The following ALMS1 variants were observed in gnomAD, a reference collection of about 807,000 sequenced individuals.
ALMS1 encodes centrosome-associated protein ALMS1.
Under a neutral mutation model 352.2 loss-of-function variants are expected in ALMS1, and 271 were observed. The ratio of observed to expected loss-of-function variants is 0.77; its 90% CI spans 0.70 to 0.85. The LOEUF is 0.85. Ranked by LOEUF, ALMS1 falls within the 40% of genes least tolerant of loss-of-function variation. The pLI is 0.00. For synonymous variants in ALMS1, 1,865 were observed against 1,761.2 expected, an observed-to-expected ratio of 1.06 and a Z score of -1.48; for missense variants, 5,445 against 4,870.7, an observed-to-expected ratio of 1.12 and a Z score of -3.51.
rs200542467 is a variant in ALMS1 at position 73,593,189 on chromosome 2, AG to A, written c.11548-6210del. 4.0e-3 allele frequency among the ~76,000 whole-genome samples: 589 copies of A among 148,528 alleles called. 4 individuals are homozygous for A. Among genetic ancestry groups the A allele is most frequent in the African/African-American group, 7.9e-3 (311 of 39,504 alleles). The stretch of plus-strand genomic sequence containing the variant: ...ACTGACCGCATATATAAATGGATTC[AG>A]GAAAAAAAAAAAAAAAAAGTTCCAT... On this transcript the variant is annotated intron_variant, in intron 16 of 22. Transcript: ENST00000613296.
intron 1 of ALMS1, among the ~76,000 whole-genome samples, chr2:73,386,875 C>A (rs1242757030): frequency 1.3e-5 from 2 of 152,158 alleles, no homozygotes; most frequent in Admixed American, 6.5e-5. Context: ...GCTGCCCTTA[C>A]CCCCCTTTTT....
chr2:73,477,334 A>G (rs1324656087), intron 9 of ALMS1, among the ~76,000 whole-genome samples: 1 of 152,088 alleles, frequency 6.6e-6, no homozygotes, highest in Non-Finnish European at 1.5e-5. Flanking sequence ...GTTCTATGCC[A>G]TTGATCTACA....
intron 9 of ALMS1, among the ~76,000 whole-genome samples, chr2:73,482,788 C>G (rs1249069478): frequency 5.3e-5 from 8 of 151,538 alleles, no homozygotes; most frequent in Admixed American, 5.3e-4. Context: ...GATTCAACTT[C>G]TTCCTGGTTT....
At chr2:73,516,300 GTGT>G (rs1406651516) in intron 10 of ALMS1, among the ~76,000 whole-genome samples, 1 of 152,066 alleles carries the variant, frequency 6.6e-6, no homozygotes, top group Non-Finnish European at 1.5e-5. Flanking sequence ...AAAATAACAG[GTGT>G]TGGTGAGGTT....
At chr2:73,515,137 T>C (rs781681436) in intron 10 of ALMS1, among the ~76,000 whole-genome samples, 4 of 152,168 alleles carry the variant, frequency 2.6e-5, no homozygotes, top group African/African-American at 4.8e-5. Context: ...CTTTTTATGT[T>C]TGGCAGTTTT....
At chr2:73,542,153 C>G (rs1312666964) in intron 12 of ALMS1, among the ~76,000 whole-genome samples, 2 of 152,142 alleles carry the variant, frequency 1.3e-5, no homozygotes, top group African/African-American at 4.8e-5. Context: ...AGCAGCACAT[C>G]AAAAAGCTTA....
intron 16 of ALMS1, among the ~76,000 whole-genome samples, chr2:73,598,141 C>G (rs754438446): frequency 1.3e-5 from 2 of 152,178 alleles, no homozygotes; most frequent in African/African-American, 2.4e-5. Flanking sequence ...ATTCTATCAA[C>G]TTGTATTATC....
intron 11 of ALMS1, among the ~76,000 whole-genome samples, chr2:73,520,450 G>A (rs567182408): frequency 6.6e-5 from 10 of 152,302 alleles, no homozygotes; most frequent in Admixed American, 2.0e-4. Context: ...ACATGTGATA[G>A]TGCAAACACA....
intron 7 of ALMS1, among the ~76,000 whole-genome samples, chr2:73,439,920 CTT>C (rs1383456969): frequency 3.9e-5 from 6 of 152,074 alleles, no homozygotes; most frequent in Admixed American, 3.9e-4. Flanking sequence ...TCCTGTTTCT[CTT>C]GTCTTGCCTT....
intron 9 of ALMS1, among the ~76,000 whole-genome samples, chr2:73,485,301 C>T (rs1672808693): frequency 1.3e-5 from 2 of 152,270 alleles, no homozygotes; most frequent in South Asian, 4.1e-4. Context: ...ACAGACAGGA[C>T]CCTCCGCTGC....
Position 73,424,460 on chromosome 2 carries a change from A to G in ALMS1, c.795A>G (p.Glu265=), listed in dbSNP as rs1232647931. 4 of 1,598,896 alleles carry G rather than the reference A, an allele frequency of 2.5e-6. No individual in the cohort carries two copies. In the South Asian group the frequency reaches 3.5e-5, roughly 14 times the overall value. The change falls in exon 5 of 23, where the codon GAA becomes GAG. Residue 265 remains glutamate (E), a synonymous_variant. Transcript: ENST00000613296. ...RGIPDKSEDT[E]WSSRPSEVSE... The stretch of plus-strand genomic sequence containing the variant: ...TTCCTGATAAGTCTGAAGATACTGA[A>G]TGGTCTTCTCGACCATCGGAAGTTA...
chr2:73,490,031 C>G lies in ALMS1; in HGVS notation c.8072C>G (p.Pro2691Arg), dbSNP rs35872753. The G allele has an allele frequency of 6.2e-7, 1 of 1,614,204 alleles. No homozygotes were observed. Among genetic ancestry groups the G allele is most frequent in the Non-Finnish European group, 8.5e-7 (1 of 1,180,044 alleles). ...TTAGTAGAACCTGCTTTTGTGCCACCTAAAGAAGTGGATTTTCATTCTTCA... is the reference window on the plus strand; with the variant it reads ...TTAGTAGAACCTGCTTTTGTGCCACGTAAAGAAGTGGATTTTCATTCTTCA... ...SELVEPAFVPPKEVDFHSSSQ... is the reference protein window; with the variant it reads ...SELVEPAFVPRKEVDFHSSSQ... Residue 2691 changes from proline to arginine, a missense_variant, in exon 10 of 23, where the codon CCT (proline) becomes CGT (arginine). Transcript: ENST00000613296.
At chr2:73,540,742 G>C (rs972159554) in intron 12 of ALMS1, among the ~76,000 whole-genome samples, 2 of 152,160 alleles carry the variant, frequency 1.3e-5, no homozygotes, top group East Asian at 3.8e-4. Context: ...TGATAAAACA[G>C]ACTTTAAACC....
rs772994859 is a variant in ALMS1 at position 73,601,385 on chromosome 2, C to A, written c.12063C>A (p.Gly4021=). ...GTCGGGGCTACCTGGCAGGCCCAGGCAGAGAGGCTGGCAGAGACCTACTGA... is the reference window on the plus strand; with the variant it reads ...GTCGGGGCTACCTGGCAGGCCCAGGAAGAGAGGCTGGCAGAGACCTACTGA... ...LDGRGYLAGP[G]REAGRDLLRP... is the part of the protein sequence containing the mutation. Residue 4021 remains glycine (G), a synonymous_variant, in exon 19 of 23, where the codon GGC becomes GGA. Transcript: ENST00000613296. 4 of 1,614,088 alleles carry A rather than the reference C, an allele frequency of 2.5e-6. No homozygotes were observed. The highest frequency in any genetic ancestry group is 3.4e-6 in the Non-Finnish European group (4 of 1,179,950).
chr2:73,411,912 G>T (rs1178116506), intron 2 of ALMS1, among the ~76,000 whole-genome samples: 1 of 152,104 alleles, frequency 6.6e-6, no homozygotes, highest in African/African-American at 2.4e-5. Context: ...TCTAGACTTT[G>T]TCATCACCAG....
intron 16 of ALMS1, among the ~76,000 whole-genome samples, chr2:73,590,857 T>A (rs1413212347): frequency 6.6e-6 from 1 of 152,046 alleles, no homozygotes; most frequent in Non-Finnish European, 1.5e-5. Context: ...TTTTTTGTAT[T>A]TTTAGTAGAG....
At chr2:73,605,727 C>G (rs1675802163) in intron 21 of ALMS1, among the ~76,000 whole-genome samples, 1 of 151,996 alleles carries the variant, frequency 6.6e-6, no homozygotes, top group African/African-American at 2.4e-5. Context: ...CCTGTAATCC[C>G]AGCTACTCTG....
chr2:73,606,864 T>G (rs1195687039), intron 21 of ALMS1, among the ~76,000 whole-genome samples: 1 of 152,166 alleles, frequency 6.6e-6, no homozygotes, highest in Non-Finnish European at 1.5e-5. Context: ...CCAAAGATAT[T>G]TAAAGGTTCC....
intron 7 of ALMS1, among the ~76,000 whole-genome samples, chr2:73,438,212 T>G (rs866087636): frequency 6.6e-6 from 1 of 152,214 alleles, no homozygotes; most frequent in African/African-American, 2.4e-5. Flanking sequence ...GTGTCCATGT[T>G]TGATTCATAT....
Sources: allele counts gnomAD v4.1 joint callset (sites outside exome capture counted in the v4.1 genomes callset), GRCh38; gene constraint gnomAD v4.1.1; transcripts MANE v1.5; gene names NCBI Gene and HGNC (gene_info 2026-07-23, HGNC 2026-07-21).